STAU2: variants seen among roughly 807,000 people sequenced by gnomAD.
The protein encoded by STAU2 is staufen double-stranded RNA binding protein 2, also known as double-stranded RNA-binding protein Staufen homolog 2.
A neutral mutation model predicts 65.9 loss-of-function variants in STAU2; 20 were observed. That is an observed-to-expected ratio of 0.30 (90% CI 0.21 to 0.44). The LOEUF is 0.44. STAU2 is among the 20% of genes least tolerant of loss of function. The pLI, the probability that STAU2 is intolerant of heterozygous loss-of-function variation, is 1.00. For missense variants in STAU2, 558 were observed against 683.9 expected (o/e 0.82, Z 2.05); for synonymous variants, 232 against 233.9 (o/e 0.99, Z 0.07).
intron 11 of STAU2, among the ~76,000 whole-genome samples, chr8:73,591,915 CAA>C (rs1487214731): frequency 9.2e-5 from 4 of 43,654 alleles, no homozygotes; most frequent in East Asian, 1.2e-3. Context: ...AAAAAAAAAA[CAA>C]GAGAGAGACA....
intron 6 of STAU2, among the ~76,000 whole-genome samples, chr8:73,665,812 T>C (rs926949981): frequency 2.2e-4 from 33 of 152,156 alleles, no homozygotes; most frequent in African/African-American, 7.5e-4. Flanking sequence ...AAGCCCCTGA[T>C]ATAAAATGCT....
At chr8:73,710,011 A>C (rs968222927) in intron 3 of STAU2, among the ~76,000 whole-genome samples, 4 of 151,998 alleles carry the variant, frequency 2.6e-5, no homozygotes, top group African/African-American at 9.7e-5. Context: ...ACAATATTGC[A>C]CCAGTTTTTT....
At chr8:73,519,883 C>T (rs939302461) in intron 13 of STAU2, among the ~76,000 whole-genome samples, 1 of 152,152 alleles carries the variant, frequency 6.6e-6, no homozygotes, top group South Asian at 2.1e-4. Flanking sequence ...TCTTGGGAGA[C>T]AGCTTGATAA....
chr8:73,594,438 G>A (rs1453909708), intron 11 of STAU2, among the ~76,000 whole-genome samples: 1 of 152,108 alleles, frequency 6.6e-6, no homozygotes, highest in Non-Finnish European at 1.5e-5. Context: ...TATTACTTTT[G>A]ATAAAAGTAA....
chr8:73,461,662 C>T (rs763546413), intron 13 of STAU2, among the ~76,000 whole-genome samples: 8 of 151,888 alleles, frequency 5.3e-5, no homozygotes, highest in Non-Finnish European at 1.0e-4. Context: ...AGCACAAGCA[C>T]GGCAGCAAGT....
chr8:73,503,244 T>C (rs1370328277), intron 13 of STAU2, among the ~76,000 whole-genome samples: 2 of 152,120 alleles, frequency 1.3e-5, no homozygotes, highest in Non-Finnish European at 2.9e-5. Context: ...AATGAATACA[T>C]AGTACATCGA....
At position 73,435,631 on chromosome 8, in the gene STAU2, G is replaced by A. The variant is rs1738770308; in HGVS notation, c.1531-12929C>T. 3.3e-5 allele frequency among the ~76,000 whole-genome samples: 5 copies of A among 152,062 alleles called. No individual in the cohort carries two copies. The South Asian group carries it at 6.2e-4, about 19-fold the overall frequency. ...GGACTGGGTTGTATCTATCTTGTCC[G>A]AGAGAAATGTTCCTGCCCCATAATT... On this transcript the variant is annotated intron_variant, in intron 13 of 14. Coordinates refer to ENST00000524300, the MANE Select transcript of STAU2 (RefSeq NM_001164380.2).
At chr8:73,629,607 C>G (rs961185556) in intron 6 of STAU2, among the ~76,000 whole-genome samples, 14 of 152,220 alleles carry the variant, frequency 9.2e-5, no homozygotes, top group African/African-American at 3.4e-4. Context: ...AGATTTTAGG[C>G]AATGCAAATA....
In STAU2 at chr8:73,519,075, A is replaced by C. The variant is rs527864731; in HGVS notation, c.1530+32937T>G. Among the ~76,000 whole-genome samples, 3 of 152,344 alleles carry C rather than the reference A, an allele frequency of 2.0e-5. No individual in the cohort carries two copies. In the South Asian group the frequency reaches 6.2e-4, roughly 32 times the overall value. On this transcript the variant is annotated intron_variant, in intron 13 of 14. Coordinates refer to ENST00000524300, the MANE Select transcript of STAU2 (RefSeq NM_001164380.2). ...TTATATTTTGAATTTTGGCAGCTCC[A>C]GGACCTCCTGGAAGTTGCCAGCGGC... is the stretch of plus-strand genomic sequence containing the variant.
rs569732203 is a variant in STAU2 at position 73,422,634 on chromosome 8, G to C, written c.1599C>G (p.Ile533Met). 18 of 1,513,716 alleles carry C rather than the reference G, an allele frequency of 1.2e-5. No homozygotes were observed. The East Asian group carries it at 3.8e-4, about 32-fold the overall frequency. The allele number at this position is 1,513,716 out of a possible 1,614,324, so 93.8% of individuals were successfully genotyped here. The change falls in exon 14 of 15, where the codon ATC becomes ATG. Residue 533 changes from isoleucine to methionine, a missense_variant. Coordinates refer to ENST00000524300, the MANE Select transcript of STAU2 (RefSeq NM_001164380.2). ...CTCACTTTTCAAGAGAACCTTTTTC[G>C]ATATTCATTGCTCCATCGATTGGAT... ...GLDPIDGAMN[I>M]EKGSLEKQAK...
chr8:73,452,489 C>A (rs1395767506), intron 13 of STAU2, among the ~76,000 whole-genome samples: 1 of 152,148 alleles, frequency 6.6e-6, no homozygotes, highest in African/African-American at 2.4e-5. Flanking sequence ...ATTTTATGAC[C>A]CTGGCCATTT....
chr8:73,451,757 T>G (rs1173695876), intron 13 of STAU2, among the ~76,000 whole-genome samples: 2 of 152,158 alleles, frequency 1.3e-5, no homozygotes, highest in Non-Finnish European at 2.9e-5. Context: ...TTTTTAATGA[T>G]TAGGTTTTGT....
intron 4 of STAU2, among the ~76,000 whole-genome samples, chr8:73,701,759 T>C (rs971787448): frequency 6.6e-6 from 1 of 151,070 alleles, no homozygotes; most frequent in Non-Finnish European, 1.5e-5. Context: ...GAAATCAGTA[T>C]GTTGAAAAGA....
At chr8:73,688,184 T>G (rs1819075377) in intron 5 of STAU2, among the ~76,000 whole-genome samples, 1 of 151,268 alleles carries the variant, frequency 6.6e-6, no homozygotes, top group Non-Finnish European at 1.5e-5. Context: ...TTCATTTTTT[T>G]TTTTTTTTTG....
intron 5 of STAU2, among the ~76,000 whole-genome samples, chr8:73,678,367 A>C (rs1205433623): frequency 2.0e-5 from 3 of 150,748 alleles, no homozygotes; most frequent in Non-Finnish European, 4.4e-5. Flanking sequence ...ACCATCTATA[A>C]AATTTTTTTT....
intron 6 of STAU2, among the ~76,000 whole-genome samples, chr8:73,627,223 A>T (rs141679391): frequency 9.2e-4 from 3 of 3,246 alleles, no homozygotes; most frequent in East Asian, 0.017. Context: ...GGGGGGGGGG[A>T]GGGGGGGGCA....
chr8:73,672,967 T>C (rs1311016520), intron 6 of STAU2, 140 bp downstream of exon 6: 4 of 750,974 alleles, frequency 5.3e-6, no homozygotes, highest in Non-Finnish European at 7.5e-6. Context: ...ATATTCCTTG[T>C]GAACCTGCTT....
intron 6 of STAU2, among the ~76,000 whole-genome samples, chr8:73,661,158 A>G (rs543376043): frequency 2.6e-5 from 4 of 152,320 alleles, no homozygotes; most frequent in African/African-American, 9.6e-5. Flanking sequence ...TCAAATCCAC[A>G]TAACTATGAT....
intron 1 of STAU2, among the ~76,000 whole-genome samples, chr8:73,742,988 T>C (rs1157052126): frequency 6.6e-6 from 1 of 151,980 alleles, no homozygotes; most frequent in Non-Finnish European, 1.5e-5. Flanking sequence ...TTTGACAACA[T>C]GAAAAGCAAA....
Sources: allele counts gnomAD v4.1 joint callset (sites outside exome capture counted in the v4.1 genomes callset), GRCh38; gene constraint gnomAD v4.1.1; transcripts MANE v1.5; gene names NCBI Gene and HGNC (gene_info 2026-07-23, HGNC 2026-07-21).